SOCS7: variants seen among roughly 807,000 people sequenced by gnomAD.
SOCS7 encodes the protein suppressor of cytokine signaling 7, also known as NAP-4.
In SOCS7, 18 loss-of-function variants were observed where a neutral mutation model predicts 58.9. The observed-to-expected ratio is 0.31, with a 90% CI of 0.21 to 0.45. SOCS7 has a LOEUF of 0.45. Ranked by LOEUF, SOCS7 falls within the 20% of genes least tolerant of loss-of-function variation. The probability of loss-of-function intolerance (pLI) is 1.00; values close to 1 mark genes in which losing one functional copy is unlikely to be tolerated. For missense variants in SOCS7, 667 were observed against 837.3 expected, an observed-to-expected ratio of 0.80 and a Z score of 2.51; for synonymous variants, 388 against 364.3, an observed-to-expected ratio of 1.06 and a Z score of -0.74.
intron 2 of SOCS7, among the ~76,000 whole-genome samples, chr17:38,362,604 A>G (rs1597686722): frequency 6.6e-6 from 1 of 152,230 alleles, no homozygotes; most frequent in East Asian, 1.9e-4. Flanking sequence ...CGATTTGGGA[A>G]TGGATGCTTC....
chr17:38,374,138 C>T (rs2037902306), intron 6 of SOCS7, among the ~76,000 whole-genome samples: 1 of 152,146 alleles, frequency 6.6e-6, no homozygotes, highest in South Asian at 2.1e-4. Context: ...GAGAATCGCT[C>T]CAACTTGGGA....
chr17:38,373,961 C>G (rs1348492754), intron 6 of SOCS7, among the ~76,000 whole-genome samples: 1 of 152,234 alleles, frequency 6.6e-6, no homozygotes, highest in African/African-American at 2.4e-5. Context: ...TGGCTCACGC[C>G]TGTAATCCCA....
chr17:38,364,933 G>A (rs747791380), intron 3 of SOCS7, 77 bp downstream of exon 3: 8 of 1,108,108 alleles, frequency 7.2e-6, no homozygotes, highest in African/African-American at 6.3e-5. Flanking sequence ...GCTGGGGGCC[G>A]ACCACGCTTC....
At chr17:38,356,956 G>T (rs1555566893) in intron 1 of SOCS7, among the ~76,000 whole-genome samples, 1 of 152,106 alleles carries the variant, frequency 6.6e-6, no homozygotes, top group Non-Finnish European at 1.5e-5. Context: ...ATACACACTT[G>T]GTTGGAAATA....
rs1167855717 is a variant in SOCS7, at chr17:38,383,627, G to A, written c.1681+5785G>A. Among the ~76,000 whole-genome samples, 2 of 152,172 alleles carry A rather than the reference G, an allele frequency of 1.3e-5. 1 individual carries two copies. Among genetic ancestry groups the A allele is most frequent in the South Asian group, 4.2e-4 (2 of 4,810 alleles). ...GGCTGGAGTGCAGTGGCGCAATCTC[G>A]GCTCATCGCAACCTCTGCCTCCTGG... On this transcript the variant is annotated intron_variant, in intron 7 of 9. Transcript: ENST00000612932.
In SOCS7 at chr17:38,399,742, T is replaced by C. The variant is rs944292773; in HGVS notation, c.*260T>C. The C allele has an allele frequency of 6.5e-6, 1 of 152,716 alleles. No individual in the cohort carries two copies. The highest frequency in any genetic ancestry group is 1.5e-5 in the Non-Finnish European group (1 of 68,100). 9.5% of individuals were successfully genotyped at this position (152,716 alleles called of 1,614,324 possible). ...GGGCTCCTTGGAAAACTGGAAGAAG[T>C]CTCAACACTGTTTCTTTTTCAGAAG... On this transcript the variant is annotated 3_prime_UTR_variant, in exon 10 of 10. Coordinates refer to ENST00000612932, the MANE Select transcript of SOCS7 (RefSeq NM_014598.4).
intron 7 of SOCS7, among the ~76,000 whole-genome samples, chr17:38,387,826 G>A (rs2038100473): frequency 7.0e-6 from 1 of 143,250 alleles, no homozygotes; most frequent in Non-Finnish European, 1.5e-5. Flanking sequence ...CTAGAGTGCA[G>A]TGGCGTGATC....
intron 4 of SOCS7, chr17:38,365,642 AT>A (rs1209912052): frequency 9.9e-6 from 4 of 402,678 alleles, no homozygotes; most frequent in Non-Finnish European, 1.7e-5. Flanking sequence ...AGACTACTGA[AT>A]TTTTCATCAG....
rs1437154512 is a variant in SOCS7, at chr17:38,352,732, C to G, written c.680C>G (p.Pro227Arg). 1 of 1,549,972 alleles carries G rather than the reference C, an allele frequency of 6.5e-7. No homozygotes were observed. Among genetic ancestry groups the G allele is most frequent in the Non-Finnish European group, 8.7e-7 (1 of 1,146,932 alleles). Residue 227 changes from proline (P) to arginine (R), a missense_variant, in exon 1 of 10, where the codon CCC becomes CGC. Pro to Arg is a moderately radical substitution (Grantham distance 103). Coordinates refer to ENST00000612932, the MANE Select transcript of SOCS7 (RefSeq NM_014598.4). The surrounding 1 kb of genome is among the most constrained non-coding windows in gnomAD (Gnocchi z 5.5). ...QPPGPELPPV[P>R]FPLQDLVPLG... ...CCAGGCCCTGAATTACCTCCGGTGC[C>G]CTTCCCGCTGCAGGACTTGGTCCCT...
At chr17:38,371,754 GTTTTTT>G (rs770296566) in intron 6 of SOCS7, among the ~76,000 whole-genome samples, 1 of 72,196 alleles carries the variant, frequency 1.4e-5, no homozygotes, top group African/African-American at 5.5e-5. Context: ...GCCCTTTTGT[GTTTTTT>G]TTTTTTTTTT....
chr17:38,382,437 CAAAA>C (rs1190332565), intron 7 of SOCS7, among the ~76,000 whole-genome samples: 5 of 68,590 alleles, frequency 7.3e-5, no homozygotes, highest in African/African-American at 1.1e-4. Context: ...GACCCTATCT[CAAAA>C]AAAAAAAAAA....
intron 6 of SOCS7, among the ~76,000 whole-genome samples, chr17:38,376,864 C>T (rs1384748201): frequency 6.6e-6 from 1 of 152,162 alleles, no homozygotes; most frequent in Admixed American, 6.5e-5. Context: ...GACAGTCGTC[C>T]CATAAGATTA....
chr17:38,391,445 C>T (rs565182750), intron 7 of SOCS7, among the ~76,000 whole-genome samples: 1 of 152,320 alleles, frequency 6.6e-6, no homozygotes, highest in Admixed American at 6.5e-5. Context: ...GGCTGGAGTG[C>T]AGTGGTACAA....
At chr17:38,369,081 T>G (rs2037828641) in intron 6 of SOCS7, among the ~76,000 whole-genome samples, 1 of 152,210 alleles carries the variant, frequency 6.6e-6, no homozygotes, top group Non-Finnish European at 1.5e-5. Context: ...TGGTCATTGT[T>G]TCTGAGGCTG....
chr17:38,369,187 A>G (rs1456311365), intron 6 of SOCS7, among the ~76,000 whole-genome samples: 3 of 152,168 alleles, frequency 2.0e-5, no homozygotes, highest in African/African-American at 4.8e-5. Context: ...CCCATCCCTC[A>G]CAGTCTTACC....
At chr17:38,372,266 T>C (rs1713409147) in intron 6 of SOCS7, among the ~76,000 whole-genome samples, 1 of 152,224 alleles carries the variant, frequency 6.6e-6, no homozygotes, top group Non-Finnish European at 1.5e-5. Context: ...TAACATTTGC[T>C]ACCATAAAAT....
intron 9 of SOCS7, among the ~76,000 whole-genome samples, chr17:38,397,295 ATTC>A (rs1567754414): frequency 6.6e-6 from 1 of 152,218 alleles, no homozygotes. Context: ...CATTACGCTT[ATTC>A]TTTGCCACAG....
chr17:38,358,186 A>T lies in SOCS7; in HGVS notation c.981-3525A>T, dbSNP rs587660376. Among the ~76,000 whole-genome samples the T allele has an allele frequency of 7.9e-5, 12 of 152,308 alleles. No individual in the cohort carries two copies. In the South Asian group the frequency reaches 2.5e-3, roughly 32 times the overall value. On this transcript the variant is annotated intron_variant, in intron 1 of 9. Coordinates refer to ENST00000612932, the MANE Select transcript of SOCS7 (RefSeq NM_014598.4). ...TCCTCCAGTCTTTGTTGCTGCTAAGATGAAAGTGGTCTACTGGCAAAGTTA... is the reference window on the plus strand; with the variant it reads ...TCCTCCAGTCTTTGTTGCTGCTAAGTTGAAAGTGGTCTACTGGCAAAGTTA...
Position 38,352,592 on chromosome 17 carries a change from C to G in SOCS7, c.540C>G (p.Val180=). 6.5e-7 allele frequency: 1 copy of G among 1,550,064 alleles called. No homozygotes were observed. The highest frequency in any genetic ancestry group is 8.7e-7 in the Non-Finnish European group (1 of 1,146,844). ...CGGAAACGAGCGACGCGCTGCTGGT[C>G]CTGGAGGGCTTGGAATCGGAGGCCG... ...DPTETSDALL[V]LEGLESEAES... Residue 180 remains valine (V), a synonymous_variant, in exon 1 of 10, where the codon GTC becomes GTG. Transcript: ENST00000612932. The surrounding 1 kb of genome is among the most constrained non-coding windows in gnomAD (Gnocchi z 5.5).
Sources: gnomAD v4.1 joint callset for allele counts (sites outside exome capture counted in the v4.1 genomes callset) on GRCh38, gnomAD v4.1.1 for gene constraint, Gnocchi (gnomAD v3.1) non-coding constraint, MANE v1.5 for transcripts, NCBI Gene and HGNC (gene_info 2026-07-23, HGNC 2026-07-21) for gene names.